Variants in CPNE4 observed in about 807,000 individuals in gnomAD.
CPNE4 encodes the protein copine 4.
A neutral mutation model predicts 67.9 loss-of-function variants in CPNE4; 25 were observed. The observed-to-expected ratio is 0.37, with a 90% CI of 0.27 to 0.51. CPNE4 has a LOEUF of 0.51. Among genes scored for constraint, CPNE4 ranks in the 20% least tolerant of loss-of-function variants. CPNE4 has a pLI of 0.93. For synonymous variants in CPNE4, 242 were observed against 244.9 expected (o/e 0.99, Z 0.11); for missense variants, 464 against 690.8 (o/e 0.67, Z 3.68).
At chr3:131,737,679 C>T (rs1313488222) in intron 2 of CPNE4, among the ~76,000 whole-genome samples, 1 of 152,094 alleles carries the variant, frequency 6.6e-6, no homozygotes, top group East Asian at 1.9e-4. Flanking sequence ...TGTGCTAAGT[C>T]CCCAATGTTC....
chr3:131,990,466 T>G (rs1248181384), intron 1 of CPNE4, among the ~76,000 whole-genome samples: 1 of 134,658 alleles, frequency 7.4e-6, no homozygotes, highest in Non-Finnish European at 1.7e-5. Flanking sequence ...TTTCTTTTTT[T>G]TAAACACCCC....
chr3:131,582,773 G>A (rs72999225), intron 8 of CPNE4, among the ~76,000 whole-genome samples: 3,991 of 152,208 alleles, frequency 0.026, 98 homozygotes, highest in African/African-American at 0.068. Flanking sequence ...AGCCTACAAT[G>A]GTCTCCAGGA....
intron 7 of CPNE4, among the ~76,000 whole-genome samples, chr3:131,664,631 A>T (rs1188730856): frequency 6.6e-6 from 1 of 152,190 alleles, no homozygotes; most frequent in Non-Finnish European, 1.5e-5. Context: ...AGTATAATAC[A>T]ATAAAATAGA....
intron 2 of CPNE4, among the ~76,000 whole-genome samples, chr3:131,789,797 T>C (rs1050666333): frequency 2.6e-5 from 4 of 151,004 alleles, no homozygotes; most frequent in African/African-American, 4.9e-5. Flanking sequence ...AGGGGGCATA[T>C]ACACAAGGAA....
chr3:131,536,040 A>G (rs1447729427), intron 15 of CPNE4, among the ~76,000 whole-genome samples: 1 of 152,152 alleles, frequency 6.6e-6, no homozygotes, highest in Non-Finnish European at 1.5e-5. Flanking sequence ...GCATTTGACC[A>G]TCATAGGCAT....
chr3:131,860,247 C>T lies in CPNE4; in HGVS notation c.180+45017G>A, dbSNP rs907197426. Among the ~76,000 whole-genome samples the T allele has an allele frequency of 5.9e-5, 9 of 152,244 alleles. No individual in the cohort carries two copies. The East Asian group carries it at 1.5e-3, about 26-fold the overall frequency. On this transcript the variant is annotated intron_variant, in intron 2 of 15. Transcript: ENST00000429747. ...TGGTCACAGTAAAAAGCTAATCCGCCAGAGTTAGTAGTTTAGTTATTGTTA... is the reference window on the plus strand; with the variant it reads ...TGGTCACAGTAAAAAGCTAATCCGCTAGAGTTAGTAGTTTAGTTATTGTTA...
chr3:131,620,687 G>A (rs1940415435), intron 7 of CPNE4, among the ~76,000 whole-genome samples: 1 of 152,286 alleles, frequency 6.6e-6, no homozygotes, highest in South Asian at 2.1e-4. Context: ...GGGCAGGTGA[G>A]TAAGAATCAA....
In CPNE4 at chr3:131,686,012, C is replaced by T; in HGVS notation, c.508-54G>A. The T allele has an allele frequency of 4.2e-6, 4 of 952,328 alleles. No individual in the cohort carries two copies. The Admixed American group carries it at 7.9e-5, about 19-fold the overall frequency. 59.0% of individuals were successfully genotyped at this position (952,328 alleles called of 1,614,324 possible). ...TTTTCCTCCTGCATTTGATCTAGTC[C>T]TGATCAATCAGGAATATTTAATCAA... On this transcript the variant is annotated intron_variant, in intron 5 of 15. Transcript: ENST00000429747.
intron 7 of CPNE4, among the ~76,000 whole-genome samples, chr3:131,596,670 T>C (rs1316294680): frequency 6.6e-6 from 1 of 150,618 alleles, no homozygotes; most frequent in Non-Finnish European, 1.5e-5. Flanking sequence ...AAGCAAATTT[T>C]TTTCAATAAT....
intron 1 of CPNE4, among the ~76,000 whole-genome samples, chr3:131,909,649 T>G (rs2107786111): frequency 6.6e-6 from 1 of 152,270 alleles, no homozygotes; most frequent in South Asian, 2.1e-4. Flanking sequence ...GACACATTTT[T>G]CTCCTAGTCT....
chr3:131,672,986 T>C (rs2080463144), intron 6 of CPNE4, among the ~76,000 whole-genome samples: 1 of 152,162 alleles, frequency 6.6e-6, no homozygotes, highest in African/African-American at 2.4e-5. Context: ...TAAATTTATG[T>C]CTTTAATCCA....
intron 2 of CPNE4, among the ~76,000 whole-genome samples, chr3:131,811,737 C>T (rs1156655425): frequency 2.0e-5 from 3 of 152,094 alleles, no homozygotes; most frequent in Non-Finnish European, 4.4e-5. Flanking sequence ...CAGGATGAAA[C>T]ATTTCAAAAT....
intron 2 of CPNE4, among the ~76,000 whole-genome samples, chr3:131,856,912 TG>T (rs1308694625): frequency 1.3e-5 from 2 of 152,024 alleles, no homozygotes; most frequent in African/African-American, 4.8e-5. Context: ...ACCATCAGGT[TG>T]TTGAGCTTGT....
chr3:131,884,052 T>C (rs1168110081), intron 2 of CPNE4, among the ~76,000 whole-genome samples: 1 of 152,220 alleles, frequency 6.6e-6, no homozygotes, highest in Non-Finnish European at 1.5e-5. Flanking sequence ...TTATTTTTGT[T>C]TCACTTACCA....
intron 1 of CPNE4, among the ~76,000 whole-genome samples, chr3:131,965,501 A>C (rs552297376): frequency 6.6e-6 from 1 of 152,354 alleles, no homozygotes; most frequent in Non-Finnish European, 1.5e-5. Flanking sequence ...AAAGACACAC[A>C]TAGGCTCAAA....
intron 2 of CPNE4, among the ~76,000 whole-genome samples, chr3:131,778,500 G>A (rs981742862): frequency 6.6e-6 from 1 of 152,014 alleles, no homozygotes; most frequent in Non-Finnish European, 1.5e-5. Flanking sequence ...ACCACCACAG[G>A]AAACACATGT....
chr3:131,815,858 C>A (rs535305772), intron 2 of CPNE4, among the ~76,000 whole-genome samples: 1 of 151,962 alleles, frequency 6.6e-6, no homozygotes, highest in East Asian at 1.9e-4. Flanking sequence ...TTTTGCAGAA[C>A]TTCTTTGTCT....
intron 2 of CPNE4, among the ~76,000 whole-genome samples, chr3:131,742,231 G>T (rs2107780863): frequency 6.6e-6 from 1 of 152,302 alleles, no homozygotes; most frequent in Admixed American, 6.5e-5. Context: ...CTGAAGGCCT[G>T]AATACAACAA....
intron 7 of CPNE4, among the ~76,000 whole-genome samples, chr3:131,667,764 C>A (rs1466708186): frequency 1.3e-5 from 2 of 152,080 alleles, no homozygotes; most frequent in Admixed American, 1.3e-4. Context: ...CAGAAAGCCA[C>A]AAAGTGTTCC....
Sources: gnomAD v4.1 joint callset for allele counts (sites outside exome capture counted in the v4.1 genomes callset) on GRCh38, gnomAD v4.1.1 for gene constraint, MANE v1.5 for transcripts, NCBI Gene and HGNC (gene_info 2026-07-23, HGNC 2026-07-21) for gene names.